The following ERC1 variants were observed in gnomAD, a reference collection of about 807,000 sequenced individuals.
ERC1 encodes the protein ELKS/RAB6-interacting/CAST family member 1, also known as RAB6 interacting protein 2.
In ERC1, 56 loss-of-function variants were observed where a neutral mutation model predicts 132.0. The observed-to-expected ratio is 0.42, with a 90% confidence interval of 0.34 to 0.53. ERC1 has a LOEUF of 0.53. ERC1 is among the 20% of genes least tolerant of loss of function. The pLI, the probability that ERC1 is intolerant of heterozygous loss-of-function variation, is 0.03. For synonymous variants in ERC1, 478 were observed against 476.1 expected (o/e 1.00, Z -0.05); for missense variants, 1,202 against 1,349.9 (o/e 0.89, Z 1.72).
At chr12:1,211,913 C>T (rs1032865505) in intron 12 of ERC1, among the ~76,000 whole-genome samples, 1 of 152,144 alleles carries the variant, frequency 6.6e-6, no homozygotes, top group Non-Finnish European at 1.5e-5. Flanking sequence ...AAATTCACCA[C>T]AGGCTCTTTA....
At chr12:1,352,772 C>T (rs2085132103) in intron 15 of ERC1, among the ~76,000 whole-genome samples, 1 of 152,180 alleles carries the variant, frequency 6.6e-6, no homozygotes, top group Admixed American at 6.5e-5. Context: ...GACTGTAGCA[C>T]TTGTTTTACT....
chr12:1,425,498 G>T (rs1230143514), intron 17 of ERC1, among the ~76,000 whole-genome samples: 1 of 152,178 alleles, frequency 6.6e-6, no homozygotes, highest in Non-Finnish European at 1.5e-5. Flanking sequence ...TACCTGTGCA[G>T]CCTTTCCTCA....
intron 17 of ERC1, among the ~76,000 whole-genome samples, chr12:1,429,870 C>T (rs895567029): frequency 1.3e-5 from 2 of 152,104 alleles, no homozygotes; most frequent in African/African-American, 4.8e-5. Context: ...CATAGTAGTT[C>T]GGGTGTATGT....
chr12:1,141,376 G>A (rs928876904), intron 7 of ERC1, among the ~76,000 whole-genome samples: 2 of 152,076 alleles, frequency 1.3e-5, no homozygotes, highest in Non-Finnish European at 2.9e-5. Context: ...AGAGACTAAG[G>A]GCTTGATTTA....
At chr12:1,106,466 A>G (rs1227596711) in intron 4 of ERC1, among the ~76,000 whole-genome samples, 1 of 152,112 alleles carries the variant, frequency 6.6e-6, no homozygotes, top group Non-Finnish European at 1.5e-5. Flanking sequence ...TTTTATGTAA[A>G]TAGATACTTC....
At chr12:1,385,516 C>T (rs921947881) in intron 16 of ERC1, among the ~76,000 whole-genome samples, 1 of 152,158 alleles carries the variant, frequency 6.6e-6, no homozygotes, top group Non-Finnish European at 1.5e-5. Flanking sequence ...GATCTCCTGA[C>T]CTCGTGATAA....
In ERC1 at chr12:1,189,874, T is replaced by C. The variant is rs777631336; in HGVS notation, c.2173T>C (p.Leu725=). Residue 725 remains leucine, a synonymous_variant, in exon 12 of 19, where the codon TTG becomes CTG. Transcript: ENST00000360905. ...SQLKKAHEAA[L]EARASPEMSD... ...TTCTTTGTAGGCACATGAGGCAGCATTGGAAGCCAGAGCCAGTCCAGAGAT... is the reference window on the plus strand; with the variant it reads ...TTCTTTGTAGGCACATGAGGCAGCACTGGAAGCCAGAGCCAGTCCAGAGAT... 5.6e-6 allele frequency: 9 copies of C among 1,607,556 alleles called. No individual in the cohort carries two copies. The highest frequency in any genetic ancestry group is 3.4e-5 in the Admixed American group (2 of 58,738).
chr12:1,309,026 A>G (rs1474740384), intron 15 of ERC1, among the ~76,000 whole-genome samples: 1 of 152,220 alleles, frequency 6.6e-6, no homozygotes, highest in Non-Finnish European at 1.5e-5. Context: ...AGTAGATGCC[A>G]TCTGTGAACC....
intron 16 of ERC1, among the ~76,000 whole-genome samples, chr12:1,378,259 C>T (rs78739904): frequency 0.021 from 3,133 of 152,228 alleles, 104 homozygotes; most frequent in African/African-American, 0.07. Context: ...GACCGCTCCC[C>T]GTTGGAGCAA....
intron 1 of ERC1, among the ~76,000 whole-genome samples, chr12:1,004,218 A>G (rs1332877087): frequency 6.6e-6 from 1 of 152,058 alleles, no homozygotes; most frequent in Non-Finnish European, 1.5e-5. Flanking sequence ...CATGTCCTTT[A>G]TTAGATTAAG....
chr12:1,064,725 A>G (rs1380973599), intron 2 of ERC1, among the ~76,000 whole-genome samples: 4 of 152,118 alleles, frequency 2.6e-5, no homozygotes, highest in African/African-American at 9.7e-5. Context: ...ACTTTTGACA[A>G]CTTGGCAATA....
At chr12:1,017,625 A>G (rs1002189099) in intron 1 of ERC1, among the ~76,000 whole-genome samples, 1 of 151,490 alleles carries the variant, frequency 6.6e-6, no homozygotes, top group South Asian at 2.1e-4. Flanking sequence ...CAGCCTCCCA[A>G]GTAGCTGGGA....
chr12:1,370,566 G>C (rs973571354), intron 15 of ERC1, among the ~76,000 whole-genome samples: 3 of 152,020 alleles, frequency 2.0e-5, no homozygotes, highest in Admixed American at 2.0e-4. Context: ...AATTATCAAA[G>C]GAATAAATTA....
At chr12:1,168,354 G>A (rs886443525) in intron 8 of ERC1, among the ~76,000 whole-genome samples, 2 of 151,946 alleles carry the variant, frequency 1.3e-5, no homozygotes, top group African/African-American at 4.8e-5. Flanking sequence ...AAACTCCTGG[G>A]ATCAAGTGAT....
intron 10 of ERC1, among the ~76,000 whole-genome samples, chr12:1,182,831 TA>T (rs1019091939): frequency 5.8e-5 from 8 of 136,760 alleles, no homozygotes; most frequent in African/African-American, 2.5e-4. Flanking sequence ...CCAGCTAAGT[TA>T]AAAAAATTTT....
chr12:990,826 G>A (rs915708242), upstream of ERC1, among the ~76,000 whole-genome samples: 2 of 151,780 alleles, frequency 1.3e-5, no homozygotes, highest in African/African-American at 2.4e-5. Context: ...ACACGAAGCG[G>A]CTCCTCGGGC....
chr12:1,363,913 A>AC (rs1260575562), intron 15 of ERC1, among the ~76,000 whole-genome samples: 1 of 152,206 alleles, frequency 6.6e-6, no homozygotes. Flanking sequence ...AGATAGAGAA[A>AC]CATGAGATGA....
intron 2 of ERC1, among the ~76,000 whole-genome samples, chr12:1,081,418 T>G (rs1444263166): frequency 6.6e-6 from 1 of 152,226 alleles, no homozygotes; most frequent in African/African-American, 2.4e-5. Flanking sequence ...ATTATTATCT[T>G]TGGGTATTAC....
chr12:1,188,852 AG>A (rs1445890491), intron 11 of ERC1, among the ~76,000 whole-genome samples: 2 of 152,244 alleles, frequency 1.3e-5, no homozygotes. Context: ...CTATTGAATA[AG>A]AAAAAATAAA....
Sources: allele counts gnomAD v4.1 joint callset (sites outside exome capture counted in the v4.1 genomes callset), GRCh38; gene constraint gnomAD v4.1.1; transcripts MANE v1.5; gene names NCBI Gene and HGNC (gene_info 2026-07-23, HGNC 2026-07-21).